Variants in IGSF11 observed in about 807,000 individuals in gnomAD.
IGSF11 encodes CXADR like 1.
A neutral mutation model predicts 41.0 loss-of-function variants in IGSF11; 22 were observed. That is an observed-to-expected ratio of 0.54 (90% CI 0.38 to 0.77). The LOEUF (loss-of-function observed/expected upper bound fraction) is 0.77, where lower values mean the gene tolerates loss of function less well. IGSF11 is among the 30% of genes least tolerant of loss of function. IGSF11 has a pLI of 0.00. For missense variants in IGSF11, 444 were observed against 530.8 expected (o/e 0.84, Z 1.61); for synonymous variants, 219 against 201.3 (o/e 1.09, Z -0.74).
intron 1 of IGSF11, among the ~76,000 whole-genome samples, chr3:119,058,533 A>C (rs988497053): frequency 3.3e-5 from 5 of 152,178 alleles, no homozygotes; most frequent in Admixed American, 3.3e-4. Flanking sequence ...GTGGGACTGT[A>C]AACTAGTTCA....
At chr3:118,935,135 T>C (rs1342019789) in intron 1 of IGSF11, among the ~76,000 whole-genome samples, 2 of 151,326 alleles carry the variant, frequency 1.3e-5, no homozygotes, top group African/African-American at 4.9e-5. Flanking sequence ...GTATACTGTA[T>C]GGTCTAAGAA....
At chr3:119,047,978 T>A (rs1285148659) in intron 1 of IGSF11, among the ~76,000 whole-genome samples, 1 of 151,878 alleles carries the variant, frequency 6.6e-6, no homozygotes, top group African/African-American at 2.4e-5. Context: ...TACCAGAATC[T>A]CTGGGATACA....
At chr3:118,957,076 A>C (rs1945014349) in intron 1 of IGSF11, among the ~76,000 whole-genome samples, 1 of 152,106 alleles carries the variant, frequency 6.6e-6, no homozygotes, top group Non-Finnish European at 1.5e-5. Context: ...ACTCAGTCCA[A>C]ATCTGAGGGT....
At chr3:119,124,463 C>T (rs1340229616) in intron 1 of IGSF11, among the ~76,000 whole-genome samples, 15 of 150,468 alleles carry the variant, frequency 1.0e-4, no homozygotes. Context: ...GACGGGGTTT[C>T]ACCATGTTGG....
chr3:118,973,050 C>T (rs1025315928), intron 1 of IGSF11, among the ~76,000 whole-genome samples: 2 of 152,186 alleles, frequency 1.3e-5, no homozygotes, highest in African/African-American at 4.8e-5. Flanking sequence ...CCTTTTATGT[C>T]TGTTCTAACT....
intron 1 of IGSF11, among the ~76,000 whole-genome samples, chr3:118,994,859 G>C (rs539156373): frequency 2.4e-4 from 36 of 152,326 alleles, no homozygotes; most frequent in African/African-American, 7.0e-4. Flanking sequence ...ACAGGAGTAA[G>C]AATACCTGAG....
At chr3:119,128,471 TCAAGA>T (rs1383352846) in intron 1 of IGSF11, among the ~76,000 whole-genome samples, 7 of 150,340 alleles carry the variant, frequency 4.7e-5, no homozygotes, top group African/African-American at 1.7e-4. Context: ...AAAAAAGGAG[TCAAGA>T]CCCATTGGCG....
chr3:119,110,436 T>A (rs1382910131), intron 1 of IGSF11, among the ~76,000 whole-genome samples: 2 of 152,236 alleles, frequency 1.3e-5, no homozygotes, highest in Non-Finnish European at 2.9e-5. Flanking sequence ...TGTTTTCCAT[T>A]TGCTTGGTAG....
chr3:119,021,392 G>A (rs949877475), intron 1 of IGSF11, among the ~76,000 whole-genome samples: 4 of 152,038 alleles, frequency 2.6e-5, no homozygotes, highest in African/African-American at 7.2e-5. Flanking sequence ...GACAACAAAA[G>A]GAGGAAAAAA....
intron 1 of IGSF11, among the ~76,000 whole-genome samples, chr3:119,133,236 T>G (rs1418234625): frequency 6.6e-6 from 1 of 151,902 alleles, no homozygotes; most frequent in African/African-American, 2.4e-5. Context: ...CTGAAAGAGA[T>G]AGAGACACAA....
chr3:118,913,694 T>G (rs991517836), intron 4 of IGSF11, among the ~76,000 whole-genome samples: 2 of 151,632 alleles, frequency 1.3e-5, no homozygotes, highest in African/African-American at 4.9e-5. Context: ...ACAGAAAAAA[T>G]GACTGTGATG....
intron 1 of IGSF11, chr3:119,112,589 A>T (rs2107521829): frequency 6.5e-6 from 1 of 153,018 alleles, no homozygotes; most frequent in African/African-American, 2.4e-5. Context: ...CGTGCATGGT[A>T]CGCTGCACCC....
chr3:119,113,230 A>G (rs538609097), intron 1 of IGSF11, among the ~76,000 whole-genome samples: 9 of 152,252 alleles, frequency 5.9e-5, no homozygotes, highest in African/African-American at 1.9e-4. Context: ...CTCCCATTTC[A>G]TAATACAATT....
chr3:119,131,154 A>T (rs1018285400), intron 1 of IGSF11, among the ~76,000 whole-genome samples: 1 of 152,226 alleles, frequency 6.6e-6, no homozygotes, highest in African/African-American at 2.4e-5. Flanking sequence ...CCTCCAAAGG[A>T]TCGCAGCTCC....
intron 1 of IGSF11, among the ~76,000 whole-genome samples, chr3:119,006,183 A>C (rs1467031101): frequency 1.6e-5 from 2 of 126,452 alleles, no homozygotes; most frequent in Non-Finnish European, 3.2e-5. Context: ...TTTTTTCTCT[A>C]AACTTCCCTT....
chr3:119,033,877 CAG>C (rs920215191), intron 1 of IGSF11, among the ~76,000 whole-genome samples: 5 of 152,212 alleles, frequency 3.3e-5, no homozygotes, highest in East Asian at 1.9e-4. Context: ...AATTTATAAA[CAG>C]ATGTTTTAAA....
chr3:119,032,442 G>A (rs894833792), intron 1 of IGSF11, among the ~76,000 whole-genome samples: 2 of 152,142 alleles, frequency 1.3e-5, no homozygotes, highest in Non-Finnish European at 2.9e-5. Context: ...CCCACAGTAA[G>A]GAAACTGAAC....
intron 1 of IGSF11, among the ~76,000 whole-genome samples, chr3:118,952,202 T>G (rs1456981597): frequency 1.3e-5 from 2 of 152,176 alleles, no homozygotes; most frequent in Non-Finnish European, 2.9e-5. Flanking sequence ...AGTCATCATC[T>G]TTTTGCTAAT....
intron 5 of IGSF11, 38 bp from the exon 6 acceptor site, chr3:118,904,836 A>T: frequency 6.5e-7 from 1 of 1,547,404 alleles, no homozygotes; most frequent in Non-Finnish European, 8.7e-7. Flanking sequence ...AAGAAAAGAG[A>T]AAGAGAGAAA....
Sources: allele counts gnomAD v4.1 joint callset (sites outside exome capture counted in the v4.1 genomes callset), GRCh38; gene constraint gnomAD v4.1.1; transcripts MANE v1.5; gene names NCBI Gene and HGNC (gene_info 2026-07-23, HGNC 2026-07-21).